The following COMMD1 variants were observed in gnomAD, a reference collection of about 807,000 sequenced individuals.
The protein encoded by COMMD1 is copper metabolism domain containing 1.
COMMD1 carries 10 observed loss-of-function variants against 17.2 expected under a neutral mutation model. The observed-to-expected ratio is 0.58, with a 90% CI of 0.36 to 0.99. The LOEUF (loss-of-function observed/expected upper bound fraction) is 0.99, where lower values mean the gene tolerates loss of function less well. COMMD1 is among the 50% of genes least tolerant of loss of function. COMMD1 has a pLI of 0.01. For synonymous variants in COMMD1, 97 were observed against 91.6 expected (o/e 1.06, Z -0.34); for missense variants, 270 against 231.8 (o/e 1.17, Z -1.07).
intron 2 of COMMD1, among the ~76,000 whole-genome samples, chr2:62,044,674 G>A (rs13405017): frequency 2.4e-4 from 37 of 152,110 alleles, no homozygotes; most frequent in African/African-American, 8.4e-4. Context: ...TTTCTGAAAA[G>A]GTGAACCTAA....
intron 2 of COMMD1, among the ~76,000 whole-genome samples, chr2:62,005,989 T>TA (rs1176208336): frequency 6.6e-6 from 1 of 151,920 alleles, no homozygotes; most frequent in African/African-American, 2.4e-5. Context: ...ATGTGGCACA[T>TA]ACACACCACG....
chr2:62,033,699 A>G (rs1669968692), intron 2 of COMMD1, among the ~76,000 whole-genome samples: 1 of 152,118 alleles, frequency 6.6e-6, no homozygotes, highest in Non-Finnish European at 1.5e-5. Context: ...TTAAATTTGA[A>G]CTCCAGGTTT....
At chr2:62,080,190 T>C (rs550678020) in intron 2 of COMMD1, among the ~76,000 whole-genome samples, 2 of 148,516 alleles carry the variant, frequency 1.3e-5, no homozygotes, top group Non-Finnish European at 3.0e-5. Context: ...TAGTGGCTCA[T>C]GCCTGTAATC....
chr2:62,102,178 C>T (rs752040037), intron 2 of COMMD1, among the ~76,000 whole-genome samples: 1 of 152,194 alleles, frequency 6.6e-6, no homozygotes, highest in African/African-American at 2.4e-5. Context: ...TTCCCATCAC[C>T]TGAAGTATGA....
At chr2:61,963,500 T>C (rs1293757365) in intron 1 of COMMD1, among the ~76,000 whole-genome samples, 1 of 152,096 alleles carries the variant, frequency 6.6e-6, no homozygotes, top group Non-Finnish European at 1.5e-5. Flanking sequence ...CACACCACCA[T>C]GCTCGGCTAA....
intron 2 of COMMD1, among the ~76,000 whole-genome samples, chr2:62,115,303 G>A (rs1210590071): frequency 2.0e-5 from 3 of 152,180 alleles, no homozygotes; most frequent in Non-Finnish European, 2.9e-5. Flanking sequence ...TTAGGCACAC[G>A]CACACATAGT....
chr2:61,907,130 C>T (rs996700661), intron 1 of COMMD1, among the ~76,000 whole-genome samples: 3 of 151,920 alleles, frequency 2.0e-5, no homozygotes, highest in Non-Finnish European at 2.9e-5. Context: ...TTTTTTGAGA[C>T]GAGTTTTGCT....
At chr2:61,994,281 C>T (rs1437690117) in intron 1 of COMMD1, among the ~76,000 whole-genome samples, 4 of 152,164 alleles carry the variant, frequency 2.6e-5, no homozygotes, top group Admixed American at 1.3e-4. Flanking sequence ...CCACCACGCC[C>T]AGCCTGTATT....
chr2:61,960,494 C>G (rs1262087989), intron 1 of COMMD1, among the ~76,000 whole-genome samples: 1 of 152,162 alleles, frequency 6.6e-6, no homozygotes, highest in Admixed American at 6.5e-5. Context: ...CAAACTAACT[C>G]TTTTACCAGT....
At chr2:61,977,627 A>G (rs1301343398) in intron 1 of COMMD1, among the ~76,000 whole-genome samples, 1 of 152,044 alleles carries the variant, frequency 6.6e-6, no homozygotes. Flanking sequence ...AAGTATTTCC[A>G]TTAGATCTGT....
intron 2 of COMMD1, 103 bp downstream of exon 2, chr2:62,001,085 GAC>G: frequency 1.8e-6 from 2 of 1,108,224 alleles, no homozygotes; most frequent in South Asian, 1.3e-5. Context: ...AACAGGAAAA[GAC>G]ACTGTTTCCT....
At chr2:61,928,875 G>A (rs1572971457) in intron 1 of COMMD1, among the ~76,000 whole-genome samples, 1 of 152,264 alleles carries the variant, frequency 6.6e-6, no homozygotes, top group South Asian at 2.1e-4. Context: ...TTAAAAAAAG[G>A]ATACTAGAGA....
At chr2:61,912,036 C>T (rs968276163) in intron 1 of COMMD1, among the ~76,000 whole-genome samples, 3 of 152,154 alleles carry the variant, frequency 2.0e-5, no homozygotes, top group African/African-American at 2.4e-5. Flanking sequence ...ATTATAAAGA[C>T]CCTCATTCTT....
chr2:61,972,266 A>G (rs1671669814), intron 1 of COMMD1, among the ~76,000 whole-genome samples: 1 of 152,164 alleles, frequency 6.6e-6, no homozygotes, highest in South Asian at 2.1e-4. Context: ...AATAAAAATG[A>G]TCTCTAATTA....
At chr2:62,071,486 G>T (rs1191927098) in intron 2 of COMMD1, among the ~76,000 whole-genome samples, 1 of 151,940 alleles carries the variant, frequency 6.6e-6, no homozygotes, top group Non-Finnish European at 1.5e-5. Flanking sequence ...TAACTTCCTA[G>T]GAATGCAGCC....
At chr2:62,071,454 C>T (rs1288984096) in intron 2 of COMMD1, among the ~76,000 whole-genome samples, 7 of 152,118 alleles carry the variant, frequency 4.6e-5, no homozygotes, top group Non-Finnish European at 8.8e-5. Context: ...ATCTCTATTT[C>T]ATCTCGTGAC....
At chr2:61,923,051 A>G (rs1225691851) in intron 1 of COMMD1, among the ~76,000 whole-genome samples, 1 of 152,230 alleles carries the variant, frequency 6.6e-6, no homozygotes, top group Non-Finnish European at 1.5e-5. Context: ...ATCTAGCCTC[A>G]AGAGATTTTG....
intron 1 of COMMD1, among the ~76,000 whole-genome samples, chr2:61,911,083 A>T (rs1348738373): frequency 7.1e-6 from 1 of 141,822 alleles, no homozygotes; most frequent in African/African-American, 2.6e-5. Flanking sequence ...AACCCCATCT[A>T]AAAAAAAAAA....
At chr2:62,071,333 G>C (rs1185972137) in intron 2 of COMMD1, among the ~76,000 whole-genome samples, 1 of 152,210 alleles carries the variant, frequency 6.6e-6, no homozygotes, top group Non-Finnish European at 1.5e-5. Flanking sequence ...ATGACCAGAG[G>C]TCACTTTTAT....
Sources: gnomAD v4.1 joint callset for allele counts (sites outside exome capture counted in the v4.1 genomes callset) on GRCh38, gnomAD v4.1.1 for gene constraint, MANE v1.5 for transcripts, NCBI Gene and HGNC (gene_info 2026-07-23, HGNC 2026-07-21) for gene names.